The following CYP27C1 variants were observed in gnomAD, a reference collection of about 807,000 sequenced individuals.
CYP27C1 encodes cytochrome P450 27C1.
In CYP27C1, 29 loss-of-function variants were observed where a neutral mutation model predicts 40.6. The observed-to-expected ratio is 0.71, with a 90% CI of 0.53 to 0.97. The LOEUF (loss-of-function observed/expected upper bound fraction) is 0.97, where lower values mean the gene tolerates loss of function less well. Among genes scored for constraint, CYP27C1 ranks in the 50% least tolerant of loss-of-function variants. The pLI is 0.00. For synonymous variants in CYP27C1, 198 were observed against 186.8 expected, an observed-to-expected ratio of 1.06 and a Z score of -0.49; for missense variants, 390 against 485.8, an observed-to-expected ratio of 0.80 and a Z score of 1.85.
Position 127,186,149 on chromosome 2 carries a change from G to A in CYP27C1, c.*1122C>T, listed in dbSNP as rs1020703986. 2 of 151,980 alleles carry A rather than the reference G, an allele frequency of 1.3e-5. No homozygotes were observed. Among genetic ancestry groups the A allele is most frequent in the African/African-American group, 4.8e-5 (2 of 41,374 alleles). 9.4% of individuals were successfully genotyped at this position (151,980 alleles called of 1,614,324 possible). On this transcript the variant is annotated 3_prime_UTR_variant, in exon 9 of 9. Coordinates refer to ENST00000664447, the MANE Select transcript of CYP27C1 (RefSeq NM_001367502.1). This position sits in a 1 kb window ranked among gnomAD's most constrained non-coding sequence, Gnocchi z 4.5. The stretch of plus-strand genomic sequence containing the variant: ...CACAACTTAGGCAACAAAATTTTAC[G>A]TCATCATATTTCCAGTTCTTATACG...
chr2:127,211,528 G>A (rs1043329200), intron 1 of CYP27C1, among the ~76,000 whole-genome samples: 3 of 151,612 alleles, frequency 2.0e-5, no homozygotes, highest in Admixed American at 1.3e-4. Flanking sequence ...GACTACAGGC[G>A]CCCGCTACCA....
chr2:127,198,721 ACAGT>A (rs1682963369), intron 5 of CYP27C1, among the ~76,000 whole-genome samples: 1 of 152,334 alleles, frequency 6.6e-6, no homozygotes, highest in African/African-American at 2.4e-5. Flanking sequence ...AGTATTCAGT[ACAGT>A]AACATTCCGT....
chr2:127,204,942 C>T (rs1683191741), intron 2 of CYP27C1, among the ~76,000 whole-genome samples: 1 of 152,238 alleles, frequency 6.6e-6, no homozygotes, highest in African/African-American at 2.4e-5. Context: ...GCACTCAAAG[C>T]CTTGCCTCCA....
At chr2:127,217,592 T>C (rs1390694142) in intron 1 of CYP27C1, among the ~76,000 whole-genome samples, 1 of 152,306 alleles carries the variant, frequency 6.6e-6, no homozygotes, top group Admixed American at 6.5e-5. Context: ...ACATGACTCC[T>C]GTTTCGGCCA....
Position 127,211,188 on chromosome 2 carries a change from C to A in CYP27C1, c.283-5098G>T, listed in dbSNP as rs188515571. Among the ~76,000 whole-genome samples the A allele has an allele frequency of 3.9e-5, 6 of 152,184 alleles. No individual in the cohort carries two copies. The East Asian group carries it at 1.2e-3, about 29-fold the overall frequency. Reference sequence around the variant, plus strand: ...TGACCACAGTGCAATGAAATTAGATCTTAGGATTAAGAAACTCACTCAAAA... The same window carrying A: ...TGACCACAGTGCAATGAAATTAGATATTAGGATTAAGAAACTCACTCAAAA... On this transcript the variant is annotated intron_variant, in intron 1 of 8. Transcript: ENST00000664447.
chr2:127,199,413 G>A lies in CYP27C1; in HGVS notation c.1010C>T (p.Ala337Val), dbSNP rs1682980161. 1 of 1,614,080 alleles carries A rather than the reference G, an allele frequency of 6.2e-7. No individual in the cohort carries two copies. The highest frequency in any genetic ancestry group is 1.7e-5 in the Admixed American group (1 of 59,994). Residue 337 changes from alanine (A) to valine (V), a missense_variant, in exon 5 of 9, where the codon GCC (alanine) becomes GTC (valine). Coordinates refer to ENST00000664447, the MANE Select transcript of CYP27C1 (RefSeq NM_001367502.1). ...SQALTLQEIY[A>V]NVTEMLLAGV... Reference sequence around the variant, plus strand: ...GGCCAGCAGCATCTCAGTCACGTTGGCGTAGATCTCCTGCAGCGTCAGAGC... The same window carrying A: ...GGCCAGCAGCATCTCAGTCACGTTGACGTAGATCTCCTGCAGCGTCAGAGC...
chr2:127,218,478 G>T lies in CYP27C1; in HGVS notation c.282+1511C>A, dbSNP rs1683485812. 6.6e-6 allele frequency among the ~76,000 whole-genome samples: 1 copy of T among 152,090 alleles called. No individual in the cohort carries two copies. The highest frequency in any genetic ancestry group is 6.6e-5 in the Admixed American group (1 of 15,262). ...AGCATTGGGGTGGGGGTGGCGGTTT[G>T]GAACTGTATAGGGTTGGCGTGGCGG... On this transcript the variant is annotated intron_variant, in intron 1 of 8. Coordinates refer to ENST00000664447, the MANE Select transcript of CYP27C1 (RefSeq NM_001367502.1). This position sits in a 1 kb window ranked among gnomAD's most constrained non-coding sequence, Gnocchi z 6.0.
chr2:127,206,786 G>C (rs1683237093), intron 1 of CYP27C1, among the ~76,000 whole-genome samples: 1 of 152,138 alleles, frequency 6.6e-6, no homozygotes, highest in South Asian at 2.1e-4. Flanking sequence ...GCCCTCTGTG[G>C]ACAGTCTGTA....
At position 127,187,294 on chromosome 2, in the gene CYP27C1, C is replaced by A. The variant is rs575267325; in HGVS notation, c.1591G>T (p.Val531Leu). Residue 531 changes from valine to leucine, a missense_variant, in exon 9 of 9, where the codon GTG becomes TTG. By Grantham distance (32) the Val-to-Leu change is conservative. Coordinates refer to ENST00000664447, the MANE Select transcript of CYP27C1 (RefSeq NM_001367502.1). ...GLLTPGGPIHVRFVNRK is the reference protein window; with the variant it reads ...GLLTPGGPIHLRFVNRK ...GCTTACTTTCTGTTAACAAATCGCA[C>A]GTGGATGGGCCCCCCTGGCGTCAGG... The A allele has an allele frequency of 6.2e-7, 1 of 1,614,124 alleles. No individual in the cohort carries two copies. The highest frequency in any genetic ancestry group is 2.2e-5 in the East Asian group (1 of 44,882).
At position 127,196,733 on chromosome 2, in the gene CYP27C1, AT is replaced by A. The variant is rs1483097561; in HGVS notation, c.1048-1233del. On this transcript the variant is annotated intron_variant, in intron 5 of 8. Transcript: ENST00000664447. The surrounding 1 kb of genome is among the most constrained non-coding windows in gnomAD (Gnocchi z 4.5). ...CACATTTTTATGGAAAAAATGTGGT[AT>A]ATCCATACAATGGAATACTACTTAG... 1.3e-5 allele frequency among the ~76,000 whole-genome samples: 2 copies of A among 152,200 alleles called. No homozygotes were observed. Among genetic ancestry groups the A allele is most frequent in the Non-Finnish European group, 2.9e-5 (2 of 68,038 alleles).
At chr2:127,213,419 T>G (rs1373417828) in intron 1 of CYP27C1, among the ~76,000 whole-genome samples, 1 of 152,128 alleles carries the variant, frequency 6.6e-6, no homozygotes, top group Non-Finnish European at 1.5e-5. Context: ...CAAACTATAC[T>G]ACAAGGCTAC....
rs1682648903 is a variant in CYP27C1, at chr2:127,187,299, A to T, written c.1586T>A (p.Ile529Asn). The T allele has an allele frequency of 6.2e-7, 1 of 1,614,032 alleles. No homozygotes were observed. Among genetic ancestry groups the T allele is most frequent in the Non-Finnish European group, 8.5e-7 (1 of 1,180,024 alleles). ...THGLLTPGGP[I>N]HVRFVNRK ...CTTTCTGTTAACAAATCGCACGTGG[A>T]TGGGCCCCCCTGGCGTCAGGAGCCC... The change falls in exon 9 of 9, where the codon ATC (isoleucine) becomes AAC (asparagine). Residue 529 changes from isoleucine (I) to asparagine (N), a missense_variant. Coordinates refer to ENST00000664447, the MANE Select transcript of CYP27C1 (RefSeq NM_001367502.1).
chr2:127,187,338 T>A lies in CYP27C1; in HGVS notation c.1547A>T (p.His516Leu). 1 of 1,614,186 alleles carries A rather than the reference T, an allele frequency of 6.2e-7. No individual in the cohort carries two copies. The highest frequency in any genetic ancestry group is 1.1e-5 in the South Asian group (1 of 91,080). Residue 516 changes from histidine (H) to leucine (L), a missense_variant, in exon 9 of 9, where the codon CAT becomes CTT. His to Leu is a moderately conservative substitution (Grantham distance 99, BLOSUM62 -3). Transcript: ENST00000664447. ...CGTCAGGAGCCCGTGGGTTTTTGCA[T>A]GAACAGCATTGGTCTGAGAAGATGT... ...IKTSSQTNAV[H>L]AKTHGLLTPG...
Position 127,201,806 on chromosome 2 carries a change from C to A in CYP27C1, c.674-475G>T, listed in dbSNP as rs146436722. 6.6e-6 allele frequency among the ~76,000 whole-genome samples: 1 copy of A among 152,272 alleles called. No individual in the cohort carries two copies. The highest frequency in any genetic ancestry group is 2.4e-5 in the African/African-American group (1 of 41,554). On this transcript the variant is annotated intron_variant, in intron 3 of 8. Transcript: ENST00000664447. This position sits in a 1 kb window ranked among gnomAD's most constrained non-coding sequence, Gnocchi z 6.0. ...CTGGCCACTGGGGATCGCCTTCCAGCCACTTGCCCAACTTGAGGAATTGAA... is the reference window on the plus strand; with the variant it reads ...CTGGCCACTGGGGATCGCCTTCCAGACACTTGCCCAACTTGAGGAATTGAA...
intron 8 of CYP27C1, 40 bp downstream of exon 8, chr2:127,193,054 G>A: frequency 6.2e-7 from 1 of 1,608,786 alleles, no homozygotes; most frequent in Non-Finnish European, 8.5e-7. Context: ...AGTAGAAAGA[G>A]GCCGAACCCA....
intron 2 of CYP27C1, among the ~76,000 whole-genome samples, chr2:127,204,454 AAGAAAGAAAGAAAG>A (rs1383812963): frequency 2.3e-5 from 1 of 43,988 alleles, no homozygotes; most frequent in Non-Finnish European, 4.5e-5. Context: ...GAAAGAAAGA[AAGAAAGAAAGAAAG>A]AAAGAAAGAA....
rs769897077 is a variant in CYP27C1, at chr2:127,193,211, C to T, written c.1380G>A (p.Leu460=). The T allele has an allele frequency of 6.2e-7, 1 of 1,614,236 alleles. No individual in the cohort carries two copies. Among genetic ancestry groups the T allele is most frequent in the Non-Finnish European group, 8.5e-7 (1 of 1,180,040 alleles). ...RAKEFRPERW[L]RKGDLDRVDN... ...CAACTCTATCTAAGTCTCCTTTCCG[C>T]AGCCAGCGCTCAGGCCGGAACTCCT... Residue 460 remains leucine, a synonymous_variant, in exon 8 of 9, where the codon CTG becomes CTA. Coordinates refer to ENST00000664447, the MANE Select transcript of CYP27C1 (RefSeq NM_001367502.1).
At chr2:127,205,239 G>A (rs1045009548) in intron 2 of CYP27C1, among the ~76,000 whole-genome samples, 2 of 152,168 alleles carry the variant, frequency 1.3e-5, no homozygotes, top group African/African-American at 2.4e-5. Flanking sequence ...ATCTGGTCAC[G>A]ATTCTTATTT....
intron 2 of CYP27C1, 139 bp from the exon 3 acceptor site, chr2:127,203,710 A>C: frequency 1.2e-6 from 1 of 826,406 alleles, no homozygotes; most frequent in Non-Finnish European, 1.8e-6. Flanking sequence ...GACAGGAAAG[A>C]CTTTTTGCTG....
Sources: gnomAD v4.1 joint callset for allele counts (sites outside exome capture counted in the v4.1 genomes callset) on GRCh38, gnomAD v4.1.1 for gene constraint, Gnocchi (gnomAD v3.1) non-coding constraint, MANE v1.5 for transcripts, NCBI Gene and HGNC (gene_info 2026-07-23, HGNC 2026-07-21) for gene names.